The following SNX29 variants were observed in gnomAD, a reference collection of about 807,000 sequenced individuals.
SNX29 encodes the protein sorting nexin 29.
SNX29 carries 78 observed loss-of-function variants against 102.1 expected under a neutral mutation model. The ratio of observed to expected loss-of-function variants is 0.76; its 90% CI spans 0.64 to 0.92. The LOEUF is 0.92. Ranked by LOEUF, SNX29 falls within the 40% of genes least tolerant of loss-of-function variation. The pLI, the probability that SNX29 is intolerant of heterozygous loss-of-function variation, is 0.00. For missense variants in SNX29, 1,280 were observed against 1,061.7 expected (o/e 1.21, Z -2.86); for synonymous variants, 580 against 414.5 (o/e 1.40, Z -4.85).
At chr16:12,565,211 C>T (rs761653026) in intron 20 of SNX29, among the ~76,000 whole-genome samples, 37 of 152,178 alleles carry the variant, frequency 2.4e-4, no homozygotes, top group Admixed American at 2.4e-3. Context: ...TTCAGCCAGA[C>T]AGCATTACCA....
At chr16:12,048,775 T>C (rs963114929) in intron 7 of SNX29, among the ~76,000 whole-genome samples, 155 bp downstream of exon 7, 1 of 152,178 alleles carries the variant, frequency 6.6e-6, no homozygotes, top group Non-Finnish European at 1.5e-5. Context: ...CCTCATTCAC[T>C]CTGAAAGGGC....
intron 16 of SNX29, among the ~76,000 whole-genome samples, chr16:12,392,475 T>C (rs903323632): frequency 2.0e-5 from 3 of 152,222 alleles, no homozygotes; most frequent in African/African-American, 7.2e-5. Context: ...TGTCCATTTT[T>C]ACATCTGCCT....
intron 18 of SNX29, among the ~76,000 whole-genome samples, chr16:12,443,714 G>C (rs1280484100): frequency 1.3e-5 from 2 of 152,232 alleles, no homozygotes; most frequent in African/African-American, 2.4e-5. Flanking sequence ...GCCTCCCAAA[G>C]TGCTGGAATT....
At chr16:12,552,412 C>G (rs1038111972) in intron 20 of SNX29, among the ~76,000 whole-genome samples, 4 of 152,218 alleles carry the variant, frequency 2.6e-5, no homozygotes, top group Non-Finnish European at 4.4e-5. Flanking sequence ...GTGGTGAGGA[C>G]GTGGTCAGTT....
intron 15 of SNX29, among the ~76,000 whole-genome samples, chr16:12,279,208 ACTCG>A (rs763009187): frequency 1.3e-5 from 2 of 152,114 alleles, no homozygotes; most frequent in South Asian, 2.1e-4. Flanking sequence ...TCAAGAAGAC[ACTCG>A]CTCATTGCTG....
intron 20 of SNX29, among the ~76,000 whole-genome samples, chr16:12,548,829 C>A (rs113542200): frequency 6.6e-6 from 1 of 152,200 alleles, no homozygotes; most frequent in Non-Finnish European, 1.5e-5. Context: ...CAGGCCCAGC[C>A]CTGTCTAGCT....
intron 14 of SNX29, among the ~76,000 whole-genome samples, chr16:12,226,847 GGATTACAGGCAT>G (rs1019450018): frequency 6.6e-6 from 1 of 152,114 alleles, no homozygotes; most frequent in Non-Finnish European, 1.5e-5. Flanking sequence ...CAAAGTGCTG[GGATTACAGGCAT>G]GAGCCACCAC....
intron 15 of SNX29, among the ~76,000 whole-genome samples, chr16:12,303,316 A>G (rs2080240033): frequency 6.6e-6 from 1 of 152,220 alleles, no homozygotes; most frequent in Non-Finnish European, 1.5e-5. Flanking sequence ...ATCGCTCACG[A>G]TGGCAAAACA....
chr16:12,504,584 T>C (rs1448290992), intron 19 of SNX29, among the ~76,000 whole-genome samples: 1 of 152,204 alleles, frequency 6.6e-6, no homozygotes, highest in Non-Finnish European at 1.5e-5. Flanking sequence ...ACCCCCCTTA[T>C]CCAAGGTTTT....
chr16:12,551,173 G>C (rs199952775), intron 20 of SNX29, among the ~76,000 whole-genome samples: 2 of 152,050 alleles, frequency 1.3e-5, no homozygotes, highest in Non-Finnish European at 2.9e-5. Flanking sequence ...CAGTACCATC[G>C]TGCAGACTTC....
At chr16:12,019,619 G>C (rs1480712150) in intron 3 of SNX29, among the ~76,000 whole-genome samples, 1 of 150,048 alleles carries the variant, frequency 6.7e-6, no homozygotes, top group Non-Finnish European at 1.5e-5. Context: ...TAGATAGATA[G>C]ATAGATATAG....
chr16:12,315,575 G>C (rs781281475), intron 15 of SNX29, among the ~76,000 whole-genome samples: 1 of 152,122 alleles, frequency 6.6e-6, no homozygotes, highest in Non-Finnish European at 1.5e-5. Context: ...GCCTGTGTGC[G>C]TGCAGAGATG....
At chr16:12,021,187 G>T in intron 3 of SNX29, among the ~76,000 whole-genome samples, 1 of 152,188 alleles carries the variant, frequency 6.6e-6, no homozygotes, top group East Asian at 1.9e-4. Flanking sequence ...AGCACTTTGG[G>T]AGGCTGAGGC....
At chr16:12,071,550 C>A (rs1335824434) in intron 10 of SNX29, among the ~76,000 whole-genome samples, 2 of 152,128 alleles carry the variant, frequency 1.3e-5, no homozygotes, top group Non-Finnish European at 2.9e-5. Context: ...GGTACCAGTA[C>A]CATGCTGTTT....
At chr16:12,081,425 C>T (rs2051870811) in intron 11 of SNX29, 1 of 152,054 alleles carries the variant, frequency 6.6e-6, no homozygotes, top group South Asian at 2.1e-4. Context: ...CACATCCTGC[C>T]ATCAGGATGC....
chr16:12,403,040 G>C (rs2084010542), intron 17 of SNX29, among the ~76,000 whole-genome samples: 2 of 152,132 alleles, frequency 1.3e-5, no homozygotes. Context: ...AGAAACGCTG[G>C]GCATTGCTGT....
At chr16:12,102,100 C>G (rs1403445306) in intron 11 of SNX29, among the ~76,000 whole-genome samples, 7 of 152,316 alleles carry the variant, frequency 4.6e-5, no homozygotes, top group African/African-American at 1.7e-4. Context: ...ACGAACTCAT[C>G]CTTTTTTATG....
chr16:12,214,030 C>G (rs2077257542), intron 14 of SNX29, among the ~76,000 whole-genome samples: 1 of 152,138 alleles, frequency 6.6e-6, no homozygotes, highest in South Asian at 2.1e-4. Flanking sequence ...AATGTTGGGT[C>G]ATAGCTGCAA....
chr16:12,514,320 C>G (rs1403454852), intron 19 of SNX29, among the ~76,000 whole-genome samples: 1 of 152,138 alleles, frequency 6.6e-6, no homozygotes, highest in Non-Finnish European at 1.5e-5. Context: ...CCCTAGCTCC[C>G]CCTACCTCAG....
Sources: allele counts gnomAD v4.1 joint callset (sites outside exome capture counted in the v4.1 genomes callset), GRCh38; gene constraint gnomAD v4.1.1; transcripts MANE v1.5; gene names NCBI Gene and HGNC (gene_info 2026-07-23, HGNC 2026-07-21).